Variants in OSBP2 observed in about 807,000 individuals in gnomAD.
OSBP2 encodes the protein oxysterol-binding protein 2.
In OSBP2, 66 loss-of-function variants were observed where a neutral mutation model predicts 96.0. The ratio of observed to expected loss-of-function variants is 0.69; its 90% confidence interval spans 0.56 to 0.84. OSBP2 has a LOEUF of 0.84. Among genes scored for constraint, OSBP2 ranks in the 40% least tolerant of loss-of-function variants. OSBP2 has a pLI of 0.00. For missense variants in OSBP2, 1,038 were observed against 1,222.7 expected, an observed-to-expected ratio of 0.85 and a Z score of 2.25; for synonymous variants, 525 against 520.9, an observed-to-expected ratio of 1.01 and a Z score of -0.11.
chr22:30,902,126 G>GAAAAAAAAAAAAAAAA (rs35391426), intron 12 of OSBP2: 29 of 126,030 alleles, frequency 2.3e-4, no homozygotes, highest in South Asian at 5.6e-4. Flanking sequence ...AAAAAAAAAC[G>GAAAAAAAAAAAAAAAA]AAAAAAAAAA....
intron 2 of OSBP2, among the ~76,000 whole-genome samples, chr22:30,797,603 A>ATT (rs777613052): frequency 3.6e-4 from 40 of 111,814 alleles, no homozygotes; most frequent in East Asian, 3.5e-3. Context: ...TATTTAACTA[A>ATT]TTTTTTTTTT....
rs561726605 is a variant in OSBP2 at position 30,870,547 on chromosome 22, C to G, written c.972C>G (p.Ala324=). Residue 324 remains alanine (A), a synonymous_variant, in exon 3 of 14, where the codon GCC becomes GCG. Transcript: ENST00000332585. This position sits in a 1 kb window ranked among gnomAD's most constrained non-coding sequence, Gnocchi z 4.1. ...TCAGCACGTGCAATGACCTCATCGCCAAGCACGGCGCTGCACTCCAGCGCT... is the reference window on the plus strand; with the variant it reads ...TCAGCACGTGCAATGACCTCATCGCGAAGCACGGCGCTGCACTCCAGCGCT... The part of the protein sequence containing the change: ...DDLSTCNDLI[A]KHGAALQRSL... The G allele has an allele frequency of 1.2e-6, 2 of 1,614,112 alleles. No individual in the cohort carries two copies. Among genetic ancestry groups the G allele is most frequent in the East Asian group, 2.2e-5 (1 of 44,886 alleles).
At position 30,835,066 on chromosome 22, in the gene OSBP2, C is replaced by T. The variant is rs959344544; in HGVS notation, c.854-35363C>T. Reference sequence around the variant, plus strand: ...CTGACCTCAGGTGATCTGCCCACCTCGGCCTCCCAAAGTGCTGGGGTTACA... The same window carrying T: ...CTGACCTCAGGTGATCTGCCCACCTTGGCCTCCCAAAGTGCTGGGGTTACA... On this transcript the variant is annotated intron_variant, in intron 2 of 13. Transcript: ENST00000332585. Among the ~76,000 whole-genome samples the T allele has an allele frequency of 3.3e-5, 5 of 152,194 alleles. No homozygotes were observed. The East Asian group carries it at 7.7e-4, about 24-fold the overall frequency.
At chr22:30,700,193 T>C (rs1401153413) in intron 1 of OSBP2, among the ~76,000 whole-genome samples, 2 of 152,116 alleles carry the variant, frequency 1.3e-5, no homozygotes, top group African/African-American at 4.8e-5. Context: ...CTCAAACTCC[T>C]GACCTCGTGA....
chr22:30,893,644 G>A lies in OSBP2; in HGVS notation c.2101G>A (p.Asp701Asn). Reference protein sequence around the residue: ...VGKLWIDQSGDIEIVNHKTND... With the variant: ...VGKLWIDQSGNIEIVNHKTND... ...CACTGCCCTCCTTCGCCAGTCAGGG[G>A]ACATCGAGATTGTGAACCATAAGAC... Residue 701 changes from aspartate to asparagine, a missense_variant, in exon 11 of 14, where the codon GAC (aspartate) becomes AAC (asparagine). Around this residue, in one of 3 missense-constraint regions of OSBP2, gnomAD observed 737 missense variants for 913.3 expected, o/e 0.81. Coordinates refer to ENST00000332585, the MANE Select transcript of OSBP2 (RefSeq NM_030758.4). 1 of 1,614,188 alleles carries A rather than the reference G, an allele frequency of 6.2e-7. No homozygotes were observed. The highest frequency in any genetic ancestry group is 1.1e-5 in the South Asian group (1 of 91,092).
intron 2 of OSBP2, among the ~76,000 whole-genome samples, chr22:30,839,080 T>C (rs2038694567): frequency 7.0e-6 from 1 of 143,008 alleles, no homozygotes; most frequent in Non-Finnish European, 1.5e-5. Context: ...TTCCCATCTA[T>C]GAGTGAGAAC....
intron 2 of OSBP2, among the ~76,000 whole-genome samples, chr22:30,818,299 G>C (rs2091104734): frequency 6.6e-6 from 1 of 151,548 alleles, no homozygotes; most frequent in Non-Finnish European, 1.5e-5. Flanking sequence ...TTTTTAGCAC[G>C]GTTTATTTCC....
At chr22:30,800,994 T>C (rs1290524146) in intron 2 of OSBP2, among the ~76,000 whole-genome samples, 4 of 152,234 alleles carry the variant, frequency 2.6e-5, no homozygotes, top group African/African-American at 9.6e-5. Context: ...GTTATAGACA[T>C]GCTGGTGAAT....
At position 30,880,911 on chromosome 22, in the gene OSBP2, C is replaced by T. The variant is rs573074571; in HGVS notation, c.1108-6515C>T. ...TGGCATGGCCCCTGACTTGGTTTCCCCTGGGTGGGCAGCCCTTACAGCCTT... is the reference window on the plus strand; with the variant it reads ...TGGCATGGCCCCTGACTTGGTTTCCTCTGGGTGGGCAGCCCTTACAGCCTT... On this transcript the variant is annotated intron_variant, in intron 3 of 13. Coordinates refer to ENST00000332585, the MANE Select transcript of OSBP2 (RefSeq NM_030758.4). 3.9e-5 allele frequency among the ~76,000 whole-genome samples: 6 copies of T among 152,322 alleles called. No individual in the cohort carries two copies. The East Asian group carries it at 9.6e-4, about 24-fold the overall frequency.
At chr22:30,831,087 G>A (rs569795176) in intron 2 of OSBP2, among the ~76,000 whole-genome samples, 2 of 152,270 alleles carry the variant, frequency 1.3e-5, no homozygotes, top group East Asian at 3.9e-4. Context: ...TTCTTTCCGG[G>A]ACACATTGCC....
chr22:30,885,747 G>A (rs115324028), intron 3 of OSBP2, among the ~76,000 whole-genome samples: 2,595 of 152,294 alleles, frequency 0.017, 83 homozygotes, highest in African/African-American at 0.06. Context: ...CAGAATGCTC[G>A]GGCCCTACCA....
chr22:30,838,759 T>C lies in OSBP2; in HGVS notation c.854-31670T>C, dbSNP rs563808437. On this transcript the variant is annotated intron_variant, in intron 2 of 13. Coordinates refer to ENST00000332585, the MANE Select transcript of OSBP2 (RefSeq NM_030758.4). The stretch of plus-strand genomic sequence containing the variant: ...GGATTTTTTTTCTTTAGTCTGTTAA[T>C]ATAGTGAATTATTTTGATTTTTATA... Among the ~76,000 whole-genome samples, 344 of 152,258 alleles carry C rather than the reference T, an allele frequency of 2.3e-3. 3 individuals carry two copies. Among genetic ancestry groups the C allele is most frequent in the African/African-American group, 7.8e-3 (323 of 41,578 alleles).
chr22:30,895,919 A>G (rs2040055203), intron 12 of OSBP2, among the ~76,000 whole-genome samples: 1 of 146,790 alleles, frequency 6.8e-6, no homozygotes, highest in South Asian at 2.2e-4. Flanking sequence ...GCCTGGGAGG[A>G]AAAAAAAAAA....
At chr22:30,793,208 G>T (rs996506618) in intron 2 of OSBP2, among the ~76,000 whole-genome samples, 1 of 151,946 alleles carries the variant, frequency 6.6e-6, no homozygotes, top group Non-Finnish European at 1.5e-5. Flanking sequence ...TGGTCAACAT[G>T]GTGAAAACCC....
intron 1 of OSBP2, among the ~76,000 whole-genome samples, chr22:30,712,080 G>A (rs2089362884): frequency 6.6e-6 from 1 of 152,212 alleles, no homozygotes; most frequent in South Asian, 2.1e-4. Flanking sequence ...TCAATGGCAA[G>A]TGGGTCCATG....
intron 2 of OSBP2, among the ~76,000 whole-genome samples, chr22:30,790,310 G>T (rs1040422): frequency 2.5e-4 from 38 of 151,990 alleles, no homozygotes; most frequent in Admixed American, 1.6e-3. Flanking sequence ...AGGAGGGGGG[G>T]GCGGGGAAAG....
intron 2 of OSBP2, among the ~76,000 whole-genome samples, chr22:30,867,085 A>G (rs552891094): frequency 2.0e-5 from 3 of 152,236 alleles, no homozygotes; most frequent in East Asian, 1.9e-4. Flanking sequence ...GAGCCTGCCT[A>G]TGACGGGTAG....
intron 2 of OSBP2, among the ~76,000 whole-genome samples, chr22:30,844,008 G>A (rs540659402): frequency 1.2e-3 from 187 of 151,992 alleles, no homozygotes; most frequent in African/African-American, 4.3e-3. Flanking sequence ...CCGAGTAGCT[G>A]GGACCACAGG....
intron 1 of OSBP2, among the ~76,000 whole-genome samples, chr22:30,700,290 C>T (rs1255631105): frequency 1.3e-5 from 2 of 151,866 alleles, no homozygotes; most frequent in African/African-American, 2.4e-5. Flanking sequence ...TATTCCATTA[C>T]TTGGCATTCT....
Sources: gnomAD v4.1 joint callset for allele counts (sites outside exome capture counted in the v4.1 genomes callset) on GRCh38, gnomAD v4.1.1 for gene constraint, gnomAD v4.1.1 regional missense constraint, Gnocchi (gnomAD v3.1) non-coding constraint, MANE v1.5 for transcripts, NCBI Gene and HGNC (gene_info 2026-07-23, HGNC 2026-07-21) for gene names.